The following FN1 variants were observed in gnomAD, a reference collection of about 807,000 sequenced individuals.
FN1 encodes fibronectin.
In FN1, 106 loss-of-function variants were observed where a neutral mutation model predicts 297.3. The observed-to-expected ratio is 0.36, with a 90% CI of 0.30 to 0.42. The LOEUF is 0.42. FN1 is among the 10% of genes least tolerant of loss of function. The pLI, the probability that FN1 is intolerant of heterozygous loss-of-function variation, is 1.00. For missense variants in FN1, 2,690 were observed against 3,124.9 expected (o/e 0.86, Z 3.32); for synonymous variants, 1,149 against 1,152.6 (o/e 1.00, Z 0.06).
intron 20 of FN1, among the ~76,000 whole-genome samples, chr2:215,400,856 C>T (rs1033050873): frequency 6.0e-5 from 9 of 148,794 alleles, no homozygotes; most frequent in Admixed American, 2.7e-4. Flanking sequence ...AGTGCAGTGG[C>T]GCAATCTCAT....
At chr2:215,432,744 C>T (rs988864022) in intron 3 of FN1, among the ~76,000 whole-genome samples, 31 of 152,054 alleles carry the variant, frequency 2.0e-4, no homozygotes, top group African/African-American at 6.0e-4. Context: ...TGAGAATCAG[C>T]CCGGTTCCCA....
chr2:215,420,742 C>T lies in FN1; in HGVS notation c.1606G>A (p.Glu536Lys), dbSNP rs146085869. ...NVNDTFHKRH[E>K]EGHMLNCTCF... The stretch of plus-strand genomic sequence containing the variant: ...GTACAGTTCAGCATGTGCCCCTCTT[C>T]ATGACGCTTGTGGAATGTGTCGTTC... Residue 536 changes from glutamate to lysine, a missense_variant, in exon 11 of 46, where the codon GAA becomes AAA. By Grantham distance (56) the Glu-to-Lys change is moderately conservative. This residue lies in a region of FN1 where 876 missense variants were observed against 1,058.1 expected (regional missense o/e 0.83). Coordinates refer to ENST00000354785, the MANE Select transcript of FN1 (RefSeq NM_212482.4). The T allele has an allele frequency of 6.2e-7, 1 of 1,614,130 alleles. No individual in the cohort carries two copies. Among genetic ancestry groups the T allele is most frequent in the African/African-American group, 1.3e-5 (1 of 75,036 alleles).
intron 3 of FN1, among the ~76,000 whole-genome samples, 181 bp downstream of exon 3, chr2:215,433,143 C>T (rs1415440108): frequency 1.3e-5 from 2 of 152,166 alleles, no homozygotes; most frequent in Non-Finnish European, 2.9e-5. Context: ...TCCATCTGTG[C>T]TCATACCCGT....
chr2:215,379,052 ATT>A, intron 34 of FN1, 76 bp downstream of exon 34: 1 of 1,190,692 alleles, frequency 8.4e-7, no homozygotes, highest in Non-Finnish European at 1.3e-6. Context: ...TTATTATGAT[ATT>A]ATATTTTCAC....
chr2:215,382,133 A>G, intron 32 of FN1, 79 bp downstream of exon 32: 1 of 857,994 alleles, frequency 1.2e-6, no homozygotes, highest in East Asian at 2.5e-5. Flanking sequence ...GTGTAATTGC[A>G]AAAGACATGT....
In FN1 at chr2:215,376,616, A is replaced by C. The variant is rs2057328848; in HGVS notation, c.5769T>G (p.Ile1923Met). 1 of 1,613,660 alleles carries C rather than the reference A, an allele frequency of 6.2e-7. No individual in the cohort carries two copies. Residue 1923 changes from isoleucine (I) to methionine (M), a missense_variant, in exon 36 of 46, where the codon ATT becomes ATG. By Grantham distance (10) the Ile-to-Met change is conservative. Transcript: ENST00000354785. The part of the protein sequence containing the change: ...VTDATETTIT[I>M]SWRTKTETIT... Reference sequence around the variant, plus strand: ...TCGTCTCAGTCTTGGTTCTCCAGCTAATGGTGATGGTGGTCTCAGTAGCAT... The same window carrying C: ...TCGTCTCAGTCTTGGTTCTCCAGCTCATGGTGATGGTGGTCTCAGTAGCAT...
At position 215,406,310 on chromosome 2, in the gene FN1, T is replaced by C. The variant is rs1159017042; in HGVS notation, c.2914A>G (p.Thr972Ala). Residue 972 changes from threonine to alanine, a missense_variant, in exon 19 of 46, where the codon ACC becomes GCC. Around this residue, in one of 3 missense-constraint regions of FN1, gnomAD observed 1,743 missense variants for 1,945.2 expected, o/e 0.90. Coordinates refer to ENST00000354785, the MANE Select transcript of FN1 (RefSeq NM_212482.4). ...AEVTGLSPGV[T>A]YYFKVFAVSH... ...ACTGCAAAGACTTTGAAGTAATAGG[T>C]GACCCCAGGGGACAGCCCGGTGACT... 6.2e-7 allele frequency: 1 copy of C among 1,614,180 alleles called. No individual in the cohort carries two copies. Among genetic ancestry groups the C allele is most frequent in the East Asian group, 2.2e-5 (1 of 44,874 alleles).
intron 42 of FN1, 169 bp downstream of exon 42, chr2:215,367,694 C>G: frequency 1.4e-6 from 1 of 709,888 alleles, no homozygotes; most frequent in Non-Finnish European, 2.4e-6. Context: ...TAAAATTTCC[C>G]ATCATTTTTC....
chr2:215,375,271 G>C lies in FN1; in HGVS notation c.6100C>G (p.Pro2034Ala). ...GGCCGAGGGACCACTTCTCTGGGAG[G>C]AGACCCAGGCTTCTCATACTTGATG... ...YIIKYEKPGS[P>A]PREVVPRPRP... The change falls in exon 38 of 46, where the codon CCT becomes GCT. Residue 2034 changes from proline to alanine, a missense_variant. Pro to Ala is a conservative substitution (Grantham distance 27). Coordinates refer to ENST00000354785, the MANE Select transcript of FN1 (RefSeq NM_212482.4). The C allele has an allele frequency of 1.2e-6, 2 of 1,614,146 alleles. No individual in the cohort carries two copies. Among genetic ancestry groups the C allele is most frequent in the African/African-American group, 2.7e-5 (2 of 75,036 alleles).
chr2:215,392,911 C>T lies in FN1; in HGVS notation c.4069+20G>A. 6.2e-7 allele frequency: 1 copy of T among 1,612,114 alleles called. No homozygotes were observed. Among genetic ancestry groups the T allele is most frequent in the Non-Finnish European group, 8.5e-7 (1 of 1,179,912 alleles). Reference sequence around the variant, plus strand: ...TGCAACACCATCTATGTCTCAAACGCAGAAGTTTTCAAAATTCACCCGTTT... The same window carrying T: ...TGCAACACCATCTATGTCTCAAACGTAGAAGTTTTCAAAATTCACCCGTTT... On this transcript the variant is annotated intron_variant, in intron 25 of 45. Coordinates refer to ENST00000354785, the MANE Select transcript of FN1 (RefSeq NM_212482.4).
intron 20 of FN1, among the ~76,000 whole-genome samples, chr2:215,403,872 T>C (rs1265132852): frequency 3.3e-5 from 5 of 152,234 alleles, no homozygotes; most frequent in Admixed American, 2.6e-4. Context: ...ATTAGTTGGT[T>C]CCCATTCAAT....
intron 29 of FN1, 121 bp downstream of exon 29, chr2:215,384,739 A>G (rs2058683206): frequency 2.7e-6 from 2 of 744,794 alleles, no homozygotes; most frequent in Non-Finnish European, 4.8e-6. Context: ...GGAAAAAACA[A>G]GGGCTCCGTT....
intron 12 of FN1, among the ~76,000 whole-genome samples, chr2:215,415,654 T>C (rs1368793607): frequency 2.0e-5 from 3 of 152,134 alleles, no homozygotes; most frequent in African/African-American, 7.2e-5. Context: ...AAATCAGTTG[T>C]CAACAGAAAT....
In FN1 at chr2:215,394,693, T is replaced by C. The variant is rs771693027; in HGVS notation, c.3631A>G (p.Thr1211Ala). ...TTTCCCTGCTGGCCGTTTGTAGGGG[T>C]TGTGGTAATTCTATAACCAGTAATG... is the stretch of plus-strand genomic sequence containing the variant. ...PDITGYRITTTPTNGQQGNSL... is the reference protein window; with the variant it reads ...PDITGYRITTAPTNGQQGNSL... Residue 1211 changes from threonine (T) to alanine (A), a missense_variant, in exon 24 of 46, where the codon ACC (threonine) becomes GCC (alanine). Transcript: ENST00000354785. 3 of 1,613,920 alleles carry C rather than the reference T, an allele frequency of 1.9e-6. No homozygotes were observed. The highest frequency in any genetic ancestry group is 2.5e-6 in the Non-Finnish European group (3 of 1,179,924).
chr2:215,404,644 G>A lies in FN1; in HGVS notation c.2998C>T (p.Pro1000Ser), dbSNP rs750122813. ...TCATTGACAAACTGGAGGTTAGTGG[G>A]AGCATCCAGTTCTAGGAAAAAAGAT... ...TAQQTTKLDA[P>S]TNLQFVNETD... Residue 1000 changes from proline to serine, a missense_variant, in exon 20 of 46, where the codon CCC (proline) becomes TCC (serine). Pro to Ser is a moderately conservative substitution (Grantham distance 74, BLOSUM62 -1). Coordinates refer to ENST00000354785, the MANE Select transcript of FN1 (RefSeq NM_212482.4). The A allele has an allele frequency of 1.9e-6, 3 of 1,613,638 alleles. No individual in the cohort carries two copies. The highest frequency in any genetic ancestry group is 1.1e-5 in the South Asian group (1 of 91,066).
intron 4 of FN1, among the ~76,000 whole-genome samples, chr2:215,431,369 T>C (rs1014208643): frequency 6.6e-5 from 10 of 152,144 alleles, no homozygotes; most frequent in Non-Finnish European, 1.2e-4. Context: ...CTTACAAAAT[T>C]CAACTGAGGA....
At chr2:215,387,329 A>G (rs2059153321) in intron 27 of FN1, among the ~76,000 whole-genome samples, 1 of 151,986 alleles carries the variant, frequency 6.6e-6, no homozygotes, top group Non-Finnish European at 1.5e-5. Context: ...CTGTGTTTCT[A>G]TCCTGTAAGT....
intron 21 of FN1, among the ~76,000 whole-genome samples, chr2:215,398,489 G>A (rs1249341204): frequency 6.6e-6 from 1 of 152,148 alleles, no homozygotes; most frequent in Non-Finnish European, 1.5e-5. Flanking sequence ...CTGAAAGTCA[G>A]CATGACATTA....
chr2:215,373,443 C>T (rs1427480914), intron 38 of FN1, 32 bp from the exon 39 acceptor site: 4 of 1,563,084 alleles, frequency 2.6e-6, no homozygotes, highest in Non-Finnish European at 2.6e-6. Context: ...CACATTATGT[C>T]AATGGGCTCA....
Sources: gnomAD v4.1 joint callset for allele counts (sites outside exome capture counted in the v4.1 genomes callset) on GRCh38, gnomAD v4.1.1 for gene constraint, gnomAD v4.1.1 regional missense constraint, MANE v1.5 for transcripts, NCBI Gene and HGNC (gene_info 2026-07-23, HGNC 2026-07-21) for gene names.